The following ACSL4 variants were observed in gnomAD, a reference collection of about 807,000 sequenced individuals.
ACSL4 encodes acyl-CoA synthetase long chain family member 4, also known as long-chain-fatty-acid--CoA ligase 4.
A neutral mutation model predicts 49.1 loss-of-function variants in ACSL4; 9 were observed. The observed-to-expected ratio is 0.18, with a 90% CI of 0.11 to 0.32. The LOEUF is 0.32. ACSL4 is among the 10% of genes least tolerant of loss of function. The probability of loss-of-function intolerance (pLI) is 1.00; values close to 1 mark genes in which losing one functional copy is unlikely to be tolerated. For missense variants in ACSL4, 333 were observed against 493.7 expected (o/e 0.67, Z 3.08); for synonymous variants, 191 against 170.3 (o/e 1.12, Z -0.95).
In ACSL4 at chrX:109,690,615, T is replaced by G. The variant is rs138984998; in HGVS notation, c.-13+5529A>C. On this transcript the variant is annotated intron_variant, in intron 2 of 15. Transcript: ENST00000672401. ...GATTCGAACCAGGTCGCTTTGATTT[T>G]AAAGTCCATGTTTTTAGCTCAATTA... is the stretch of plus-strand genomic sequence containing the variant. Among the ~76,000 whole-genome samples, 731 of 111,010 alleles carry G rather than the reference T, an allele frequency of 6.6e-3. 2 individuals carry two copies. The highest frequency in any genetic ancestry group is 0.011 in the Non-Finnish European group (578 of 52,917).
At chrX:109,729,571 TAC>T (rs1009653491) in intron 1 of ACSL4, among the ~76,000 whole-genome samples, 1 of 111,913 alleles carries the variant, frequency 8.9e-6, no homozygotes, top group African/African-American at 3.3e-5. Context: ...ACCCAAGAAG[TAC>T]ACTCTCAGGC....
intron 10 of ACSL4, 77 bp from the exon 11 acceptor site, chrX:109,668,350 G>A (rs1467551910): frequency 1.1e-6 from 1 of 907,082 alleles, no homozygotes; most frequent in South Asian, 2.9e-5. Context: ...TAAGCTCTGG[G>A]AAAGATTCCT....
At chrX:109,668,498 A>G (rs1278565341) in intron 10 of ACSL4, among the ~76,000 whole-genome samples, 3 of 111,704 alleles carry the variant, frequency 2.7e-5, no homozygotes, top group African/African-American at 9.8e-5. Context: ...TCGGGAAACT[A>G]TGCTGACACA....
chrX:109,669,315 T>C (rs562193851), intron 9 of ACSL4, 142 bp from the exon 10 acceptor site: 54 of 445,872 alleles, frequency 1.2e-4, no homozygotes, highest in South Asian at 8.3e-4. Context: ...TTAATTTCAC[T>C]GACTACTTGT....
chrX:109,658,644 T>C (rs1301054532), intron 15 of ACSL4, among the ~76,000 whole-genome samples: 1 of 111,970 alleles, frequency 8.9e-6, no homozygotes, highest in Non-Finnish European at 1.9e-5. Context: ...CCTATTTGCC[T>C]TTCTCATGTT....
chrX:109,653,515 T>C (rs1197932751), intron 15 of ACSL4, among the ~76,000 whole-genome samples: 3 of 111,517 alleles, frequency 2.7e-5, no homozygotes, highest in Admixed American at 9.5e-5. Context: ...CGTATGTTTA[T>C]TGCGGCACTA....
chrX:109,706,730 G>C (rs1187194482), intron 1 of ACSL4, among the ~76,000 whole-genome samples: 1 of 112,123 alleles, frequency 8.9e-6, no homozygotes, highest in Admixed American at 9.5e-5. Flanking sequence ...AGCAAACACT[G>C]ACCTTACCAC....
intron 1 of ACSL4, among the ~76,000 whole-genome samples, chrX:109,715,906 G>A (rs553399843): frequency 1.7e-4 from 19 of 111,934 alleles, no homozygotes; most frequent in South Asian, 1.1e-3. Context: ...CACTGGGTAC[G>A]GACTCACTGA....
intron 10 of ACSL4, 143 bp from the exon 11 acceptor site, chrX:109,668,416 G>T: frequency 2.2e-6 from 1 of 459,206 alleles, no homozygotes; most frequent in Non-Finnish European, 3.5e-6. Flanking sequence ...GGTTAACAAG[G>T]CAACAACTAG....
At chrX:109,680,162 A>G (rs757258047) in intron 6 of ACSL4, among the ~76,000 whole-genome samples, 10 of 111,649 alleles carry the variant, frequency 9.0e-5, no homozygotes, top group African/African-American at 3.3e-4. Context: ...TATTGTTGTG[A>G]GTAAAAAACT....
rs778391227 is a variant in ACSL4 at position 109,682,770 on chromosome X, T to G, written c.355A>C (p.Arg119=). The change falls in exon 4 of 16, where the codon AGG becomes CGG. Residue 119 remains arginine, a synonymous_variant. Coordinates refer to ENST00000672401, the MANE Select transcript of ACSL4 (RefSeq NM_001318510.2). ...TGTGCTGCAATCATCCATTCGGCCC[T>G]GGTCTCACAGAAGATGGCAATGGTG... ...KNTIAIFCET[R]AEWMIAAQTC... 1 of 1,211,857 alleles carries G rather than the reference T, an allele frequency of 8.3e-7. No homozygotes were observed. The highest frequency in any genetic ancestry group is 3.0e-5 in the East Asian group (1 of 33,849).
intron 1 of ACSL4, among the ~76,000 whole-genome samples, chrX:109,707,017 G>A (rs965217187): frequency 6.2e-5 from 7 of 112,073 alleles, no homozygotes; most frequent in Non-Finnish European, 1.1e-4. Context: ...TGAGCAGAAA[G>A]TACATATGGA....
Position 109,643,940 on chromosome X carries a change from A to G in ACSL4, c.*89T>C, listed in dbSNP as rs1376228774. 2.0e-6 allele frequency: 2 copies of G among 1,015,508 alleles called. No individual in the cohort carries two copies. The highest frequency in any genetic ancestry group is 2.8e-6 in the Non-Finnish European group (2 of 719,903). The allele number at this position is 1,015,508 out of a possible 1,213,427, so 83.7% of individuals were successfully genotyped here. On this transcript the variant is annotated 3_prime_UTR_variant, in exon 16 of 16. Transcript: ENST00000672401. ...CTATCTTTAGAATGATATACCTTAC[A>G]TTCTAACAGTTCAACAAAGGCTTAA...
rs769845129 is a variant in ACSL4 at position 109,668,406 on chromosome X, G to C, written c.1143-133C>G. ...TGTCAGAATCACGGTGAGAATGAGA[G>C]GTTAACAAGGCAACAACTAGTAACG... is the stretch of plus-strand genomic sequence containing the variant. On this transcript the variant is annotated intron_variant, in intron 10 of 15. Coordinates refer to ENST00000672401, the MANE Select transcript of ACSL4 (RefSeq NM_001318510.2). The C allele has an allele frequency of 7.7e-6, 4 of 517,405 alleles. No homozygotes were observed. The South Asian group carries it at 2.6e-4, about 34-fold the overall frequency. 42.6% of individuals were successfully genotyped at this position (517,405 alleles called of 1,213,427 possible).
chrX:109,689,751 C>T (rs774846965), intron 2 of ACSL4, among the ~76,000 whole-genome samples: 124 of 111,859 alleles, frequency 1.1e-3, no homozygotes, highest in Non-Finnish European at 2.0e-3. Context: ...CCCTTACTTG[C>T]GTTATTTTTT....
intron 2 of ACSL4, among the ~76,000 whole-genome samples, chrX:109,687,990 T>A (rs754020458): frequency 2.0e-4 from 22 of 111,550 alleles, no homozygotes; most frequent in Non-Finnish European, 3.0e-4. Context: ...CATGACTGTG[T>A]TGAGTGTCTC....
intron 8 of ACSL4, among the ~76,000 whole-genome samples, chrX:109,677,214 G>A (rs1219520784): frequency 9.1e-6 from 1 of 109,448 alleles, no homozygotes; most frequent in African/African-American, 3.3e-5. Flanking sequence ...CACCCGCCTC[G>A]GCCTCCCAAA....
At chrX:109,683,417 C>T in intron 2 of ACSL4, 42 bp from the exon 3 acceptor site, 1 of 1,210,798 alleles carries the variant, frequency 8.3e-7, no homozygotes, top group Non-Finnish European at 1.1e-6. Context: ...AATATAAGGG[C>T]ACTGTATATT....
Position 109,668,096 on chromosome X carries a change from C to T in ACSL4, c.1315+5G>A, listed in dbSNP as rs1427194248. ...CAGAATATTTACCACATTAATAATG[C>T]TTACCTTCAGTAACTGTCCCAGCAC... On this transcript the variant is annotated splice_donor_5th_base_variant and intron_variant, in intron 11 of 15. Coordinates refer to ENST00000672401, the MANE Select transcript of ACSL4 (RefSeq NM_001318510.2). 1.7e-6 allele frequency: 2 copies of T among 1,187,408 alleles called. No homozygotes were observed. The highest frequency in any genetic ancestry group is 2.2e-5 in the Admixed American group (1 of 45,391).
Sources: gnomAD v4.1 joint callset for allele counts (sites outside exome capture counted in the v4.1 genomes callset) on GRCh38, gnomAD v4.1.1 for gene constraint, MANE v1.5 for transcripts, NCBI Gene and HGNC (gene_info 2026-07-23, HGNC 2026-07-21) for gene names.